The following HS6ST3 variants were observed in gnomAD, a reference collection of about 807,000 sequenced individuals.
The protein encoded by HS6ST3 is heparan sulfate 6-O-sulfotransferase 3, also known as heparan-sulfate 6-O-sulfotransferase 3.
HS6ST3 carries 12 observed loss-of-function variants against 36.7 expected under a neutral mutation model. The observed-to-expected ratio is 0.33, with a 90% confidence interval of 0.21 to 0.53. The LOEUF is 0.53. Ranked by LOEUF, HS6ST3 falls within the 20% of genes least tolerant of loss-of-function variation. The pLI is 0.95. For missense variants in HS6ST3, 584 were observed against 640.9 expected (o/e 0.91, Z 0.96); for synonymous variants, 240 against 257.5 (o/e 0.93, Z 0.65).
intron 1 of HS6ST3, among the ~76,000 whole-genome samples, chr13:96,414,336 T>C (rs1282542123): frequency 6.6e-6 from 1 of 152,194 alleles, no homozygotes; most frequent in Non-Finnish European, 1.5e-5. Context: ...AATTTTAGAG[T>C]TTGAAGGGTT....
chr13:96,260,281 C>G (rs28379721), intron 1 of HS6ST3, among the ~76,000 whole-genome samples: 1 of 137,512 alleles, frequency 7.3e-6, no homozygotes, highest in Non-Finnish European at 1.6e-5. Context: ...CTTCTTTCCT[C>G]CCTCCCTCCC....
At chr13:96,484,514 C>T (rs184202379) in intron 1 of HS6ST3, among the ~76,000 whole-genome samples, 103 of 152,222 alleles carry the variant, frequency 6.8e-4, no homozygotes, top group African/African-American at 2.2e-3. Flanking sequence ...TCCATTTATC[C>T]TTCCCCCGCC....
At chr13:96,295,522 A>G (rs1051625204) in intron 1 of HS6ST3, among the ~76,000 whole-genome samples, 3 of 152,076 alleles carry the variant, frequency 2.0e-5, no homozygotes, top group African/African-American at 7.2e-5. Flanking sequence ...TTCAGTACAG[A>G]TGTTGAGCTC....
intron 1 of HS6ST3, among the ~76,000 whole-genome samples, chr13:96,704,138 T>C (rs528682881): frequency 2.0e-5 from 3 of 152,358 alleles, no homozygotes; most frequent in African/African-American, 7.2e-5. Flanking sequence ...TAACTCCAAA[T>C]ATCTCAGATA....
In HS6ST3 at chr13:96,091,151, G is replaced by C. The variant is rs1320533006; in HGVS notation, c.289G>C (p.Asp97His). 6.6e-7 allele frequency: 1 copy of C among 1,524,386 alleles called. No individual in the cohort carries two copies. The highest frequency in any genetic ancestry group is 1.2e-5 in the South Asian group (1 of 81,116). 94.4% of individuals were successfully genotyped at this position (1,524,386 alleles called of 1,614,324 possible). Residue 97 changes from aspartate to histidine, a missense_variant, in exon 1 of 2, where the codon GAC becomes CAC. Asp to His is a moderately conservative substitution (Grantham distance 81). Coordinates refer to ENST00000376705, the MANE Select transcript of HS6ST3 (RefSeq NM_153456.4). ...GGAGGAGGAGGACGAGGAGCCCGGA[G>C]ACCCCCGGGAGGGGGAGGAAGAGGA... ...APEEEDEEPG[D>H]PREGEEEEEE...
At position 96,447,356 on chromosome 13, in the gene HS6ST3, C is replaced by T. The variant is rs185471420; in HGVS notation, c.707+355787C>T. 1.1e-4 allele frequency among the ~76,000 whole-genome samples: 17 copies of T among 152,274 alleles called. No individual in the cohort carries two copies. In the East Asian group the frequency reaches 3.1e-3, roughly 28 times the overall value. Reference sequence around the variant, plus strand: ...CACTTGTGTACCCCTCTCTCCAGATCTTTATATTTTCTTCATTTCCATCTT... The same window carrying T: ...CACTTGTGTACCCCTCTCTCCAGATTTTTATATTTTCTTCATTTCCATCTT... On this transcript the variant is annotated intron_variant, in intron 1 of 1. Transcript: ENST00000376705.
chr13:96,334,166 T>C (rs543860144), intron 1 of HS6ST3, among the ~76,000 whole-genome samples: 36 of 152,162 alleles, frequency 2.4e-4, no homozygotes, highest in Non-Finnish European at 4.7e-4. Context: ...ACAAAAATTA[T>C]AGTAGTGATA....
chr13:96,105,575 G>A (rs1209729393), intron 1 of HS6ST3, among the ~76,000 whole-genome samples: 6 of 152,084 alleles, frequency 3.9e-5, no homozygotes, highest in African/African-American at 9.7e-5. Context: ...ATTTGAGCCC[G>A]GGAGGCGGAA....
chr13:96,443,250 G>T (rs1399694055), intron 1 of HS6ST3, among the ~76,000 whole-genome samples: 1 of 151,794 alleles, frequency 6.6e-6, no homozygotes, highest in African/African-American at 2.4e-5. Flanking sequence ...AGCAGACTAG[G>T]CCGGGTGCGG....
At chr13:96,301,104 G>A (rs1477522799) in intron 1 of HS6ST3, among the ~76,000 whole-genome samples, 1 of 152,152 alleles carries the variant, frequency 6.6e-6, no homozygotes, top group Non-Finnish European at 1.5e-5. Flanking sequence ...TGCAAACCAA[G>A]ATGTATGGTC....
chr13:96,162,303 G>A (rs2054139358), intron 1 of HS6ST3, among the ~76,000 whole-genome samples: 1 of 152,232 alleles, frequency 6.6e-6, no homozygotes, highest in African/African-American at 2.4e-5. Context: ...GTAGAAGAAA[G>A]AGCTGAATAT....
rs1594816710 is a variant in HS6ST3 at position 96,605,122 on chromosome 13, A to G, written c.708-227368A>G. ...TCAGTCAGTTCTAAATAATTTATCA[A>G]CAGATTTTGCAAAGGCTCCACTCCA... On this transcript the variant is annotated intron_variant, in intron 1 of 1. Transcript: ENST00000376705. 2.0e-5 allele frequency among the ~76,000 whole-genome samples: 3 copies of G among 152,206 alleles called. No homozygotes were observed. The South Asian group carries it at 6.2e-4, about 32-fold the overall frequency.
At chr13:96,461,070 A>G (rs1394392919) in intron 1 of HS6ST3, among the ~76,000 whole-genome samples, 1 of 152,262 alleles carries the variant, frequency 6.6e-6, no homozygotes, top group Non-Finnish European at 1.5e-5. Flanking sequence ...GCAGAATGCA[A>G]TAATTTACAT....
chr13:96,241,942 T>C (rs1379471103), intron 1 of HS6ST3, among the ~76,000 whole-genome samples: 3 of 151,812 alleles, frequency 2.0e-5, no homozygotes, highest in Admixed American at 6.6e-5. Flanking sequence ...TCCACCACCA[T>C]GCCCGGCTAA....
chr13:96,161,729 C>A (rs1037500570), intron 1 of HS6ST3, among the ~76,000 whole-genome samples: 1 of 152,146 alleles, frequency 6.6e-6, no homozygotes, highest in East Asian at 1.9e-4. Context: ...CCAACAAATT[C>A]ATATCTGTGC....
intron 1 of HS6ST3, among the ~76,000 whole-genome samples, chr13:96,759,112 T>C (rs1234307222): frequency 1.3e-5 from 2 of 151,940 alleles, no homozygotes; most frequent in Admixed American, 6.6e-5. Context: ...GATATATTAC[T>C]ACCTTTCTTA....
intron 1 of HS6ST3, among the ~76,000 whole-genome samples, chr13:96,458,315 G>A (rs3932553): frequency 0.62 from 93,212 of 151,204 alleles, 31,836 homozygotes; most frequent in South Asian, 0.79. Flanking sequence ...TTAAAAAAAA[G>A]AGAGAGAGAG....
At chr13:96,216,754 C>A (rs2054428179) in intron 1 of HS6ST3, among the ~76,000 whole-genome samples, 1 of 152,094 alleles carries the variant, frequency 6.6e-6, no homozygotes, top group South Asian at 2.1e-4. Flanking sequence ...TAGAGGGAGC[C>A]ACTGTTGCCT....
At chr13:96,272,915 A>T (rs745741979) in intron 1 of HS6ST3, among the ~76,000 whole-genome samples, 1 of 151,924 alleles carries the variant, frequency 6.6e-6, no homozygotes, top group Non-Finnish European at 1.5e-5. Context: ...TGCAGGAGGG[A>T]TCATGTCTTA....
Sources: allele counts gnomAD v4.1 joint callset (sites outside exome capture counted in the v4.1 genomes callset), GRCh38; gene constraint gnomAD v4.1.1; transcripts MANE v1.5; gene names NCBI Gene and HGNC (gene_info 2026-07-23, HGNC 2026-07-21).